SASH1: variants seen among roughly 807,000 people sequenced by gnomAD.
The protein encoded by SASH1 is SAM and SH3 domain containing 1, also known as SAM and SH3 domain-containing protein 1.
A neutral mutation model predicts 125.2 loss-of-function variants in SASH1; 44 were observed. The observed-to-expected ratio is 0.35, with a 90% CI of 0.28 to 0.45. SASH1 has a LOEUF of 0.45. Ranked by LOEUF, SASH1 falls within the 20% of genes least tolerant of loss-of-function variation. SASH1 has a pLI of 1.00. For missense variants in SASH1, 1,426 were observed against 1,614.5 expected, an observed-to-expected ratio of 0.88 and a Z score of 2.00; for synonymous variants, 639 against 649.1, an observed-to-expected ratio of 0.98 and a Z score of 0.24.
At chr6:148,412,088 T>C (rs1268561665) in intron 2 of SASH1, among the ~76,000 whole-genome samples, 1 of 152,170 alleles carries the variant, frequency 6.6e-6, no homozygotes, top group Non-Finnish European at 1.5e-5. Context: ...TTGTAACTTG[T>C]AGTTGAGATG....
intron 1 of SASH1, among the ~76,000 whole-genome samples, chr6:148,310,211 A>G (rs1270211056): frequency 6.6e-6 from 1 of 152,122 alleles, no homozygotes; most frequent in Non-Finnish European, 1.5e-5. Context: ...AGTCCCAGCT[A>G]CTTGGGAGGC....
chr6:148,429,745 T>TA (rs1407042609), intron 2 of SASH1, among the ~76,000 whole-genome samples: 69 of 146,990 alleles, frequency 4.7e-4, no homozygotes, highest in South Asian at 1.7e-3. Context: ...CCCATCTCTT[T>TA]AAAAAAAAAC....
In SASH1 at chr6:148,487,629, GC is replaced by G; in HGVS notation, c.646del (p.Gln216SerfsTer41). ...CTTGTTACAGCTCAAGGAATACGAG[GC>G]CCAGCACCGGCAGTCGGCTGCCCTG... ...EALARLKEYE[A>X]QHRQSAALDP... is the part of the protein sequence containing the mutation. On this transcript the variant is annotated frameshift_variant, in exon 8 of 20. Transcript: ENST00000367467. LOFTEE classifies it high-confidence loss of function. The G allele has an allele frequency of 1.2e-6, 2 of 1,613,298 alleles. No homozygotes were observed. Among genetic ancestry groups the G allele is most frequent in the Non-Finnish European group, 1.7e-6 (2 of 1,179,592 alleles).
intron 2 of SASH1, among the ~76,000 whole-genome samples, chr6:148,422,442 G>A (rs951553986): frequency 6.6e-6 from 1 of 152,182 alleles, no homozygotes; most frequent in Admixed American, 6.5e-5. Flanking sequence ...TGTGGCTGTG[G>A]ATGAATGAAC....
At chr6:148,304,444 AAG>A (rs1460002015) in intron 1 of SASH1, among the ~76,000 whole-genome samples, 3 of 115,042 alleles carry the variant, frequency 2.6e-5, no homozygotes, top group African/African-American at 7.8e-5. Flanking sequence ...AAAAAAAAAA[AAG>A]AAAAGAAAAA....
At chr6:148,264,768 T>C in the SASH1 span, among the ~76,000 whole-genome samples, 1 of 152,246 alleles carries the variant, frequency 6.6e-6, no homozygotes, top group African/African-American at 2.4e-5. Flanking sequence ...AGCTTAAATG[T>C]CACCTCTGCC....
At chr6:148,449,328 C>A (rs560094574) in intron 4 of SASH1, among the ~76,000 whole-genome samples, 1 of 151,718 alleles carries the variant, frequency 6.6e-6, no homozygotes, top group African/African-American at 2.4e-5. Context: ...CCTCAGCCCC[C>A]CGAAGTGCTA....
chr6:148,447,202 C>T (rs1776833343), intron 4 of SASH1, among the ~76,000 whole-genome samples: 1 of 152,130 alleles, frequency 6.6e-6, no homozygotes, highest in Non-Finnish European at 1.5e-5. Flanking sequence ...TTTAGTTTCA[C>T]TTTTTTTCAT....
chr6:148,258,676 C>T, the SASH1 span, among the ~76,000 whole-genome samples: 2 of 152,118 alleles, frequency 1.3e-5, no homozygotes, highest in Non-Finnish European at 2.9e-5. Context: ...GGCTTCTTTC[C>T]CTGGGTCATA....
At chr6:148,470,037 AAAAAGAAAG>A (rs1214318937) in intron 5 of SASH1, among the ~76,000 whole-genome samples, 8 of 151,804 alleles carry the variant, frequency 5.3e-5, no homozygotes, top group African/African-American at 1.9e-4. Flanking sequence ...CTAAAAAAAA[AAAAAGAAAG>A]AAAAAGAAAG....
At chr6:148,459,199 C>T (rs1472795383) in intron 4 of SASH1, among the ~76,000 whole-genome samples, 1 of 152,114 alleles carries the variant, frequency 6.6e-6, no homozygotes, top group African/African-American at 2.4e-5. Context: ...GCAGTTCAGA[C>T]CCATGAAGCC....
intron 1 of SASH1, among the ~76,000 whole-genome samples, chr6:148,360,039 G>A (rs770316362): frequency 6.8e-6 from 1 of 147,556 alleles, no homozygotes; most frequent in African/African-American, 2.5e-5. Flanking sequence ...TTACAGGCGT[G>A]AGCCACCGCA....
chr6:148,527,991 G>GAA (rs1408578489), intron 12 of SASH1, among the ~76,000 whole-genome samples: 1 of 135,586 alleles, frequency 7.4e-6, no homozygotes, highest in East Asian at 2.2e-4. Flanking sequence ...TTTTTTTTGG[G>GAA]GGGGGGGGTG....
chr6:148,483,505 C>T (rs1193765842), intron 7 of SASH1, among the ~76,000 whole-genome samples: 1 of 152,108 alleles, frequency 6.6e-6, no homozygotes, highest in African/African-American at 2.4e-5. Flanking sequence ...TTAAGAGAAA[C>T]CTCTAAGTGA....
chr6:148,427,142 C>CT (rs1775858704), intron 2 of SASH1, among the ~76,000 whole-genome samples: 1 of 151,950 alleles, frequency 6.6e-6, no homozygotes, highest in Non-Finnish European at 1.5e-5. Context: ...GAGTGAGACT[C>CT]TGTCTCAAAA....
chr6:148,525,756 C>A (rs149034126), intron 11 of SASH1, among the ~76,000 whole-genome samples: 2 of 152,180 alleles, frequency 1.3e-5, no homozygotes, highest in Non-Finnish European at 1.5e-5. Flanking sequence ...TGATTTGGTC[C>A]CCAAGAGTAT....
At chr6:148,370,619 C>T (rs570328582) in intron 1 of SASH1, among the ~76,000 whole-genome samples, 23 of 152,142 alleles carry the variant, frequency 1.5e-4, no homozygotes, top group African/African-American at 4.3e-4. Flanking sequence ...GTCAGGAGAT[C>T]GAGACCATCC....
intron 8 of SASH1, chr6:148,508,643 A>G (rs1779941121): frequency 1.7e-6 from 2 of 1,156,166 alleles, no homozygotes; most frequent in African/African-American, 3.2e-5. Flanking sequence ...GCAAGCAGAA[A>G]GAAGCTAATT....
intron 1 of SASH1, among the ~76,000 whole-genome samples, chr6:148,326,323 C>CATATATATATATATATAT (rs56276306): frequency 7.1e-4 from 7 of 9,826 alleles, no homozygotes; most frequent in Non-Finnish European, 1.0e-3. Context: ...CCACCGCATG[C>CATATATATATATATATAT]ATATATATAT....
Sources: allele counts gnomAD v4.1 joint callset (sites outside exome capture counted in the v4.1 genomes callset), GRCh38; gene constraint gnomAD v4.1.1; transcripts MANE v1.5; gene names NCBI Gene and HGNC (gene_info 2026-07-23, HGNC 2026-07-21).